Variants in C20orf203 observed in about 807,000 individuals in gnomAD.
C20orf203 encodes the protein uncharacterized protein C20orf203.
C20orf203 carries 16 observed loss-of-function variants against 15.9 expected under a neutral mutation model. The observed-to-expected ratio is 1.01, with a 90% CI of 0.68 to 1.53. The LOEUF (loss-of-function observed/expected upper bound fraction) is 1.53. C20orf203 is among the 40% of genes most tolerant of loss of function. The probability of loss-of-function intolerance (pLI) is 0.00; values close to 1 mark genes in which losing one functional copy is unlikely to be tolerated. For missense variants in C20orf203, 263 were observed against 247.5 expected (o/e 1.06, Z -0.42); for synonymous variants, 98 against 97.2 (o/e 1.01, Z -0.05).
intron 5 of C20orf203, among the ~76,000 whole-genome samples, chr20:32,638,631 A>C (rs1186792906): frequency 6.6e-6 from 1 of 152,228 alleles, no homozygotes; most frequent in Non-Finnish European, 1.5e-5. Context: ...GCTTGAATGC[A>C]AAACAGCTGC....
chr20:32,644,363 G>T (rs1982365766), intron 4 of C20orf203, among the ~76,000 whole-genome samples: 1 of 152,152 alleles, frequency 6.6e-6, no homozygotes, highest in Non-Finnish European at 1.5e-5. Context: ...CAGGAGAATT[G>T]CTTGAACCCT....
At chr20:32,663,305 G>T (rs1226119275) in intron 1 of C20orf203, among the ~76,000 whole-genome samples, 1 of 148,156 alleles carries the variant, frequency 6.7e-6, no homozygotes, top group African/African-American at 2.5e-5. Flanking sequence ...GTGGAAATGA[G>T]AGTCAAAATA....
At chr20:32,669,995 G>A (rs1184232097) in intron 1 of C20orf203, among the ~76,000 whole-genome samples, 2 of 152,134 alleles carry the variant, frequency 1.3e-5, no homozygotes, top group Middle Eastern at 3.4e-3. Context: ...GAGGTCAGGA[G>A]ATCGAGACCA....
Position 32,650,399 on chromosome 20 carries a change from G to T in C20orf203, c.*33C>A. On this transcript the variant is annotated 3_prime_UTR_variant, in exon 4 of 6. Coordinates refer to ENST00000608990, the MANE Select transcript of C20orf203 (RefSeq NM_182584.4). ...GTGGTGGCCTTGGTAGGACAGGCAG[G>T]CAGAGCTGGGGGTGGGGGCGCCCTG... 1.3e-6 allele frequency: 2 copies of T among 1,486,412 alleles called. No individual in the cohort carries two copies. The highest frequency in any genetic ancestry group is 4.9e-5 in the East Asian group (2 of 40,580). 92.1% of individuals were successfully genotyped at this position (1,486,412 alleles called of 1,614,324 possible).
intron 4 of C20orf203, among the ~76,000 whole-genome samples, chr20:32,648,507 G>A (rs1484171698): frequency 5.8e-5 from 8 of 137,466 alleles, no homozygotes; most frequent in African/African-American, 8.2e-5. Flanking sequence ...GTAGTGTGAC[G>A]GTGGCTCACT....
rs2145670804 is a variant in C20orf203, at chr20:32,650,247, A to G, written c.*185T>C. On this transcript the variant is annotated 3_prime_UTR_variant, in exon 4 of 6. Coordinates refer to ENST00000608990, the MANE Select transcript of C20orf203 (RefSeq NM_182584.4). ...CCTCGGTCCCTAATCATGTTTGCTG[A>G]ATGCCTTGAATACAAGCGCCGGTGC... 1.7e-6 allele frequency: 1 copy of G among 596,898 alleles called. No individual in the cohort carries two copies. Among genetic ancestry groups the G allele is most frequent in the Non-Finnish European group, 3.0e-6 (1 of 335,796 alleles). The allele number at this position is 596,898 out of a possible 1,614,324, so 37.0% of individuals were successfully genotyped here.
chr20:32,651,170 A>T lies in C20orf203; in HGVS notation c.-14-4T>A, dbSNP rs908476914. 3 of 94,148 alleles carry T rather than the reference A, an allele frequency of 3.2e-5. No homozygotes were observed. Among genetic ancestry groups the T allele is most frequent in the Non-Finnish European group, 7.3e-5 (3 of 41,274 alleles). 5.8% of individuals were successfully genotyped at this position (94,148 alleles called of 1,614,324 possible). A position where few individuals can be genotyped will look rare whatever the true frequency, so the allele number is the denominator to read the frequency against. ...GGAAACATAGGAGACCCTCTCTCTAAAAAAAAAAAAAAAAAAAAAAAAATT... is the reference window on the plus strand; with the variant it reads ...GGAAACATAGGAGACCCTCTCTCTATAAAAAAAAAAAAAAAAAAAAAAATT... On this transcript the variant is annotated splice_polypyrimidine_tract_variant and splice_region_variant and intron_variant, in intron 2 of 5. Transcript: ENST00000608990.
chr20:32,659,273 G>C (rs570011720), intron 1 of C20orf203, among the ~76,000 whole-genome samples: 1 of 152,310 alleles, frequency 6.6e-6, no homozygotes, highest in Non-Finnish European at 1.5e-5. Flanking sequence ...ATCCTGGCTT[G>C]ATGAAGGTCA....
intron 4 of C20orf203, among the ~76,000 whole-genome samples, chr20:32,647,200 G>A (rs988350085): frequency 1.3e-5 from 2 of 152,070 alleles, no homozygotes; most frequent in South Asian, 2.1e-4. Flanking sequence ...TTTGAGACCC[G>A]TCTGGCCAAC....
intron 1 of C20orf203, among the ~76,000 whole-genome samples, chr20:32,662,153 G>A (rs1312010797): frequency 2.0e-5 from 3 of 152,300 alleles, no homozygotes; most frequent in South Asian, 2.1e-4. Context: ...CACGAGCCAG[G>A]GGCACAAAGG....
At chr20:32,648,566 G>A (rs566458182) in intron 4 of C20orf203, among the ~76,000 whole-genome samples, 7 of 147,962 alleles carry the variant, frequency 4.7e-5, no homozygotes, top group East Asian at 2.1e-4. Context: ...TCAGCCTCCC[G>A]AGTAGCTGGG....
intron 1 of C20orf203, among the ~76,000 whole-genome samples, chr20:32,665,499 T>C (rs1332235594): frequency 6.6e-6 from 1 of 152,098 alleles, no homozygotes; most frequent in Admixed American, 6.5e-5. Context: ...CCGGAAACAC[T>C]GTAGGAGGTG....
chr20:32,650,903 A>G (rs1982602630), intron 3 of C20orf203, 22 bp from the exon 4 acceptor site: 10 of 1,445,360 alleles, frequency 6.9e-6, no homozygotes, highest in Non-Finnish European at 9.1e-6. Context: ...AAGGCCCCCA[A>G]GAAGATCATA....
chr20:32,663,982 C>T (rs1046862845), intron 1 of C20orf203, among the ~76,000 whole-genome samples: 4 of 152,348 alleles, frequency 2.6e-5, no homozygotes, highest in South Asian at 2.1e-4. Context: ...ATCTGCTGTA[C>T]GAGAGAAGCC....
chr20:32,644,164 G>A (rs186933204), intron 4 of C20orf203, among the ~76,000 whole-genome samples: 2 of 152,298 alleles, frequency 1.3e-5, no homozygotes, highest in African/African-American at 4.8e-5. Flanking sequence ...AAAAGGAGTT[G>A]TAGCCAGGCA....
intron 1 of C20orf203, among the ~76,000 whole-genome samples, chr20:32,667,711 C>T (rs1029013929): frequency 1.3e-5 from 2 of 152,140 alleles, no homozygotes; most frequent in African/African-American, 4.8e-5. Flanking sequence ...TGCTCTATCA[C>T]CCAGGCTGGA....
At chr20:32,665,409 A>T (rs1982994413) in intron 1 of C20orf203, among the ~76,000 whole-genome samples, 1 of 151,972 alleles carries the variant, frequency 6.6e-6, no homozygotes, top group South Asian at 2.1e-4. Context: ...AGGAGCCTCC[A>T]CTCCACCCAG....
chr20:32,668,008 G>A (rs1983075053), intron 1 of C20orf203, among the ~76,000 whole-genome samples: 1 of 152,144 alleles, frequency 6.6e-6, no homozygotes. Flanking sequence ...CAGTGATTAG[G>A]TGGTCTCTGG....
At chr20:32,655,994 G>C (rs1043436535) in intron 1 of C20orf203, among the ~76,000 whole-genome samples, 1 of 152,188 alleles carries the variant, frequency 6.6e-6, no homozygotes, top group African/African-American at 2.4e-5. Flanking sequence ...GTTCACAAGA[G>C]AGCTGGTTGT....
Sources: gnomAD v4.1 joint callset for allele counts (sites outside exome capture counted in the v4.1 genomes callset) on GRCh38, gnomAD v4.1.1 for gene constraint, MANE v1.5 for transcripts, NCBI Gene and HGNC (gene_info 2026-07-23, HGNC 2026-07-21) for gene names.